The following ZNF417 variants were observed in gnomAD, a reference collection of about 807,000 sequenced individuals.
ZNF417 encodes zinc finger protein 417.
ZNF417 carries 5 observed loss-of-function variants against 7.4 expected under a neutral mutation model. The observed-to-expected ratio is 0.68, with a 90% confidence interval of 0.35 to 1.43. The LOEUF is 1.43. ZNF417 is among the 40% of genes most tolerant of loss of function. The pLI is 0.04. For missense variants in ZNF417, 437 were observed against 697.3 expected (o/e 0.63, Z 4.20); for synonymous variants, 147 against 239.1 (o/e 0.61, Z 3.55).
chr19:57,914,163 C>G (rs191065624), intron 1 of ZNF417, among the ~76,000 whole-genome samples: 1 of 152,262 alleles, frequency 6.6e-6, no homozygotes, highest in East Asian at 1.9e-4. Flanking sequence ...CCTGATTCCT[C>G]TTTCATGCCC....
chr19:57,916,346 G>A, intron 1 of ZNF417, 33 bp downstream of exon 1: 1 of 1,614,158 alleles, frequency 6.2e-7, no homozygotes, highest in Non-Finnish European at 8.5e-7. Flanking sequence ...TGACGATGGG[G>A]TGACCTGAGG....
intron 1 of ZNF417, among the ~76,000 whole-genome samples, chr19:57,914,540 CAA>C (rs1305812671): frequency 7.9e-6 from 1 of 126,784 alleles, no homozygotes; most frequent in Non-Finnish European, 1.7e-5. Context: ...TGTCTCTTTA[CAA>C]AAAGTGAATC....
At chr19:57,912,349 T>A (rs2071906633) in intron 1 of ZNF417, among the ~76,000 whole-genome samples, 160 bp from the exon 2 acceptor site, 2 of 152,176 alleles carry the variant, frequency 1.3e-5, no homozygotes, top group South Asian at 2.1e-4. Flanking sequence ...GGCCCACTGG[T>A]CAATTGCCAT....
intron 1 of ZNF417, among the ~76,000 whole-genome samples, chr19:57,912,768 C>A (rs1266904961): frequency 6.6e-6 from 1 of 151,888 alleles, no homozygotes; most frequent in Admixed American, 6.6e-5. Flanking sequence ...ACCACTATAC[C>A]CGGCTAATTT....
At chr19:57,914,850 AGTATCCT>A (rs1165601394) in intron 1 of ZNF417, among the ~76,000 whole-genome samples, 43 of 152,352 alleles carry the variant, frequency 2.8e-4, no homozygotes, top group African/African-American at 1.0e-3. Flanking sequence ...CCATGGCCTC[AGTATCCT>A]GTCTTTAGAG....
chr19:57,909,404 C>T lies in ZNF417; in HGVS notation c.874G>A (p.Gly292Arg). 6.2e-7 allele frequency: 1 copy of T among 1,614,176 alleles called. No individual in the cohort carries two copies. Among genetic ancestry groups the T allele is most frequent in the South Asian group, 1.1e-5 (1 of 91,076 alleles). The change falls in exon 3 of 3, where the codon GGA (glycine) becomes AGA (arginine). Residue 292 changes from glycine (G) to arginine (R), a missense_variant. Coordinates refer to ENST00000312026, the MANE Select transcript of ZNF417 (RefSeq NM_152475.3). ...TCCTCACAGGGATAAGCTGTCTTTC[C>T]AGTGTGGACTCGCTGATGTTGAATA... ...SLIQHQRVHT[G>R]KTAYPCEECG...
rs560046584 is a variant in ZNF417, at chr19:57,907,134, G to A, written c.*1416C>T. ...CCCAAAGTGCTGGGATTACAGGCCTGAGCCAAAACACCCAGCTGAGATTCT... is the reference window on the plus strand; with the variant it reads ...CCCAAAGTGCTGGGATTACAGGCCTAAGCCAAAACACCCAGCTGAGATTCT... On this transcript the variant is annotated 3_prime_UTR_variant, in exon 3 of 3. Coordinates refer to ENST00000312026, the MANE Select transcript of ZNF417 (RefSeq NM_152475.3). 1 of 152,148 alleles carries A rather than the reference G, an allele frequency of 6.6e-6. No homozygotes were observed. Among genetic ancestry groups the A allele is most frequent in the South Asian group, 2.1e-4 (1 of 4,828 alleles). 9.4% of individuals were successfully genotyped at this position (152,148 alleles called of 1,614,324 possible).
intron 1 of ZNF417, 135 bp downstream of exon 1, chr19:57,916,244 A>G: frequency 6.5e-7 from 1 of 1,527,492 alleles, no homozygotes. Flanking sequence ...TTACACAGGG[A>G]CCCCTCCTGC....
intron 1 of ZNF417, 22 bp downstream of exon 1, chr19:57,916,357 G>A (rs746169155): frequency 2.5e-6 from 4 of 1,614,184 alleles, no homozygotes; most frequent in South Asian, 1.1e-5. Flanking sequence ...TGACCTGAGG[G>A]CACAGAAGGC....
At chr19:57,912,264 C>G (rs2071905861) in intron 1 of ZNF417, 75 bp from the exon 2 acceptor site, 1 of 1,592,654 alleles carries the variant, frequency 6.3e-7, no homozygotes. Flanking sequence ...CACACACCCA[C>G]ACTTGCCCAT....
rs1396508552 is a variant in ZNF417, at chr19:57,907,697, G to A, written c.*853C>T. Reference sequence around the variant, plus strand: ...CTGTGGCTACAGTGTCGACATTCATGCAAGTGGGGAAATGGGCATGTGGCC... The same window carrying A: ...CTGTGGCTACAGTGTCGACATTCATACAAGTGGGGAAATGGGCATGTGGCC... On this transcript the variant is annotated 3_prime_UTR_variant, in exon 3 of 3. Transcript: ENST00000312026. The A allele has an allele frequency of 6.5e-6, 1 of 154,880 alleles. No individual in the cohort carries two copies. The allele number at this position is 154,880 out of a possible 1,614,324, so 9.6% of individuals were successfully genotyped here. A position where few individuals can be genotyped will look rare whatever the true frequency, so the allele number is the denominator to read the frequency against.
At chr19:57,910,246 G>T in intron 2 of ZNF417, 132 bp from the exon 3 acceptor site, 2 of 1,469,662 alleles carry the variant, frequency 1.4e-6, no homozygotes, top group Non-Finnish European at 9.1e-7. Context: ...TTGGCTTCAA[G>T]TTGAAGATGG....
chr19:57,916,414 G>C lies in ZNF417; in HGVS notation c.-3C>G, dbSNP rs1568531400. 2 of 1,614,024 alleles carry C rather than the reference G, an allele frequency of 1.2e-6. No individual in the cohort carries two copies. The highest frequency in any genetic ancestry group is 1.7e-6 in the Non-Finnish European group (2 of 1,180,054). ...CGCCTCGGCGCAGCCGCTGCCATCG[G>C]ACTACTTGGGGAAGCACGGCCCGGG... On this transcript the variant is annotated 5_prime_UTR_variant, in exon 1 of 3. Coordinates refer to ENST00000312026, the MANE Select transcript of ZNF417 (RefSeq NM_152475.3).
Position 57,906,107 on chromosome 19 carries a change from T to C in ZNF417, c.*2443A>G, listed in dbSNP as rs1246303570. 6.6e-6 allele frequency among the ~76,000 whole-genome samples: 1 copy of C among 152,190 alleles called. No individual in the cohort carries two copies. Among genetic ancestry groups the C allele is most frequent in the Non-Finnish European group, 1.5e-5 (1 of 68,032 alleles). Reference sequence around the variant, plus strand: ...TTATAAAGGTTTTGTGGGAACATAATTGGGTGTAATAAAATAAAAATTTAC... The same window carrying C: ...TTATAAAGGTTTTGTGGGAACATAACTGGGTGTAATAAAATAAAAATTTAC... On this transcript the variant is annotated 3_prime_UTR_variant, in exon 3 of 3. Coordinates refer to ENST00000312026, the MANE Select transcript of ZNF417 (RefSeq NM_152475.3).
chr19:57,916,491 G>A lies in ZNF417; in HGVS notation c.-80C>T, dbSNP rs1455167501. The A allele has an allele frequency of 1.2e-6, 2 of 1,610,278 alleles. No individual in the cohort carries two copies. The highest frequency in any genetic ancestry group is 1.1e-5 in the South Asian group (1 of 90,618). ...AGAGCCGCCTCTGGGCACCGAGGAC[G>A]ATTCCTCTCCACCTTCTAGGTTCAG... is the stretch of plus-strand genomic sequence containing the variant. On this transcript the variant is annotated 5_prime_UTR_variant, in exon 1 of 3. Coordinates refer to ENST00000312026, the MANE Select transcript of ZNF417 (RefSeq NM_152475.3).
Position 57,908,414 on chromosome 19 carries a change from CTCT to C in ZNF417, c.*133_*135del. ...ATGAGACTCCGTTCCAATGCGAAGT[CTCT>C]TAAGACCAAGGAGAGCAGACATTCT... On this transcript the variant is annotated 3_prime_UTR_variant, in exon 3 of 3. Transcript: ENST00000312026. 1 of 1,512,832 alleles carries C rather than the reference CTCT, an allele frequency of 6.6e-7. No individual in the cohort carries two copies. The highest frequency in any genetic ancestry group is 9.0e-7 in the Non-Finnish European group (1 of 1,107,504). 93.7% of individuals were successfully genotyped at this position (1,512,832 alleles called of 1,614,324 possible). A position where few individuals can be genotyped will look rare whatever the true frequency, so the allele number is the denominator to read the frequency against.
rs955394539 is a variant in ZNF417 at position 57,907,020 on chromosome 19, A to G, written c.*1530T>C. ...AGGCACCCACCACTATGCTTGGGTA[A>G]TTTTTGTATTTTTAGTAGAGACAGG... On this transcript the variant is annotated 3_prime_UTR_variant, in exon 3 of 3. Transcript: ENST00000312026. 11 of 151,280 alleles carry G rather than the reference A, an allele frequency of 7.3e-5. No homozygotes were observed. Among genetic ancestry groups the G allele is most frequent in the African/African-American group, 2.7e-4 (11 of 41,212 alleles). The allele number at this position is 151,280 out of a possible 1,614,324, so 9.4% of individuals were successfully genotyped here.
Position 57,908,845 on chromosome 19 carries a change from C to T in ZNF417, c.1433G>A (p.Cys478Tyr), listed in dbSNP as rs1252282084. ...VCGKLFGNKN[C>Y]VTIHQRIHTG... ...GTGAATCCTCTGATGTATAGTCACG[C>T]AGTTCTTATTACCAAATAATTTCCC... The change falls in exon 3 of 3, where the codon TGC becomes TAC. Residue 478 changes from cysteine (C) to tyrosine (Y), a missense_variant. Cys to Tyr is a radical substitution (Grantham distance 194). Coordinates refer to ENST00000312026, the MANE Select transcript of ZNF417 (RefSeq NM_152475.3). The T allele has an allele frequency of 3.1e-6, 5 of 1,614,044 alleles. No individual in the cohort carries two copies. In the African/African-American group the frequency reaches 6.7e-5, roughly 22 times the overall value.
At chr19:57,914,116 G>T (rs1386667274) in intron 1 of ZNF417, among the ~76,000 whole-genome samples, 1 of 152,134 alleles carries the variant, frequency 6.6e-6, no homozygotes, top group African/African-American at 2.4e-5. Context: ...CAGCGTCCAT[G>T]GTTACAGCTG....
Sources: allele counts gnomAD v4.1 joint callset (sites outside exome capture counted in the v4.1 genomes callset), GRCh38; gene constraint gnomAD v4.1.1; transcripts MANE v1.5; gene names NCBI Gene and HGNC (gene_info 2026-07-23, HGNC 2026-07-21).